Variants in VPS52 observed in about 807,000 individuals in gnomAD.
VPS52 encodes VPS52 subunit of GARP complex.
In VPS52, 56 loss-of-function variants were observed where a neutral mutation model predicts 98.7. The observed-to-expected ratio is 0.57, with a 90% CI of 0.46 to 0.71. VPS52 has a LOEUF of 0.71. Among genes scored for constraint, VPS52 ranks in the 30% least tolerant of loss-of-function variants. VPS52 has a pLI of 0.00. For missense variants in VPS52, 742 were observed against 925.9 expected (o/e 0.80, Z 2.58); for synonymous variants, 348 against 346.4 (o/e 1.00, Z -0.05).
At chr6:33,260,740 C>G (rs1763531059) in intron 17 of VPS52, among the ~76,000 whole-genome samples, 1 of 152,132 alleles carries the variant, frequency 6.6e-6, no homozygotes, top group South Asian at 2.1e-4. Flanking sequence ...TGACTCATGC[C>G]TATAATCCCA....
chr6:33,268,498 C>A lies in VPS52; in HGVS notation c.699+1G>T. ...CCAGGGTATCCATCCCTACTTCCCA[C>A]CTTGACCCGGAGCCGATCGAGCACG... On this transcript the variant is annotated splice_donor_variant, in intron 7 of 19. Coordinates refer to ENST00000445902, the MANE Select transcript of VPS52 (RefSeq NM_022553.6). LOFTEE classifies it high-confidence loss of function. This position sits in a 1 kb window ranked among gnomAD's most constrained non-coding sequence, Gnocchi z 4.0. The A allele has an allele frequency of 6.3e-7, 1 of 1,592,984 alleles. No individual in the cohort carries two copies. Among genetic ancestry groups the A allele is most frequent in the Non-Finnish European group, 8.6e-7 (1 of 1,167,832 alleles).
At chr6:33,258,548 G>A (rs919988032) in intron 17 of VPS52, among the ~76,000 whole-genome samples, 1 of 151,444 alleles carries the variant, frequency 6.6e-6, no homozygotes, top group African/African-American at 2.4e-5. Context: ...TGTAGATGAT[G>A]CAAAGAACTC....
At chr6:33,266,490 C>A in intron 12 of VPS52, 67 bp downstream of exon 12, 1 of 1,483,684 alleles carries the variant, frequency 6.7e-7, no homozygotes. Flanking sequence ...AGAGTCATGA[C>A]CCCACTATGC....
chr6:33,257,079 G>A (rs1296810621), intron 17 of VPS52, among the ~76,000 whole-genome samples: 1 of 152,030 alleles, frequency 6.6e-6, no homozygotes. Flanking sequence ...GCCCAGGCTG[G>A]AGTGCAGCAG....
In VPS52 at chr6:33,268,723, C is replaced by T; in HGVS notation, c.549-74G>A. 1 of 1,489,938 alleles carries T rather than the reference C, an allele frequency of 6.7e-7. No individual in the cohort carries two copies. The highest frequency in any genetic ancestry group is 8.9e-7 in the Non-Finnish European group (1 of 1,118,224). The allele number at this position is 1,489,938 out of a possible 1,614,324, so 92.3% of individuals were successfully genotyped here. A position where few individuals can be genotyped will look rare whatever the true frequency, so the allele number is the denominator to read the frequency against. On this transcript the variant is annotated intron_variant, in intron 6 of 19. Coordinates refer to ENST00000445902, the MANE Select transcript of VPS52 (RefSeq NM_022553.6). This position sits in a 1 kb window ranked among gnomAD's most constrained non-coding sequence, Gnocchi z 4.0. ...CCCTAAACCAGACCCAGACCACACTCCTTACCTCCAGCCCCTGTCATCTCT... is the reference window on the plus strand; with the variant it reads ...CCCTAAACCAGACCCAGACCACACTTCTTACCTCCAGCCCCTGTCATCTCT...
chr6:33,268,131 G>T lies in VPS52; in HGVS notation c.777C>A (p.Pro259=). Residue 259 remains proline, a synonymous_variant, in exon 8 of 20, where the codon CCC becomes CCA. Coordinates refer to ENST00000445902, the MANE Select transcript of VPS52 (RefSeq NM_022553.6). This position sits in a 1 kb window ranked among gnomAD's most constrained non-coding sequence, Gnocchi z 4.0. ...ACCTGTACTTCAGCAGGGCCGTCTGGGGGATCTGATAGTTGGTCATGGGTT... is the reference window on the plus strand; with the variant it reads ...ACCTGTACTTCAGCAGGGCCGTCTGTGGGATCTGATAGTTGGTCATGGGTT... The part of the protein sequence containing the change: ...FRKPMTNYQI[P]QTALLKYRFF... 1 of 1,613,052 alleles carries T rather than the reference G, an allele frequency of 6.2e-7. No homozygotes were observed. The highest frequency in any genetic ancestry group is 1.3e-5 in the African/African-American group (1 of 75,018).
chr6:33,264,816 T>C lies in VPS52; in HGVS notation c.1366A>G (p.Ile456Val), dbSNP rs781090501. ...CIHIVLRFRN[I>V]AAKRDVPALD... is the part of the protein sequence containing the mutation. ...GCAGGAACATCCCTCTTTGCTGCAA[T>C]GTTACGGAACCGGAGAACAATGTGG... Residue 456 changes from isoleucine to valine, a missense_variant, in exon 13 of 20, where the codon ATT (isoleucine) becomes GTT (valine). Ile to Val is a conservative substitution (Grantham distance 29). Around this residue, in one of 2 missense-constraint regions of VPS52, gnomAD observed 590 missense variants for 793.3 expected, o/e 0.74. Coordinates refer to ENST00000445902, the MANE Select transcript of VPS52 (RefSeq NM_022553.6). The C allele has an allele frequency of 3.7e-6, 6 of 1,612,996 alleles. No individual in the cohort carries two copies. Among genetic ancestry groups the C allele is most frequent in the Middle Eastern group, 3.3e-4 (2 of 6,084 alleles).
intron 12 of VPS52, among the ~76,000 whole-genome samples, chr6:33,265,649 G>A (rs1764218575): frequency 1.3e-5 from 2 of 152,126 alleles, no homozygotes; most frequent in South Asian, 4.1e-4. Context: ...TGGGATTGCA[G>A]GCATAAGCCA....
chr6:33,256,652 C>T (rs1032973607), intron 17 of VPS52, among the ~76,000 whole-genome samples: 4 of 151,404 alleles, frequency 2.6e-5, no homozygotes, highest in East Asian at 3.9e-4. Context: ...ACCAGCCTAG[C>T]CAACACGGTG....
chr6:33,270,257 T>G lies in VPS52; in HGVS notation c.117A>C (p.Pro39=), dbSNP rs1443899198. 12 of 1,613,374 alleles carry G rather than the reference T, an allele frequency of 7.4e-6. No individual in the cohort carries two copies. The highest frequency in any genetic ancestry group is 3.3e-5 in the Admixed American group (2 of 60,006). Residue 39 remains proline (P), a synonymous_variant, in exon 2 of 20, where the codon CCA becomes CCC. Coordinates refer to ENST00000445902, the MANE Select transcript of VPS52 (RefSeq NM_022553.6). ...PLAGGPGLQE[P]LQLGELDITS... ...TGATATCCAACTCCCCAAGTTGCAG[T>G]GGTTCCTGGAGCCCAGGACCACCCG...
chr6:33,264,500 G>A lies in VPS52; in HGVS notation c.1401-3C>T. 1 of 1,614,084 alleles carries A rather than the reference G, an allele frequency of 6.2e-7. No individual in the cohort carries two copies. Among genetic ancestry groups the A allele is most frequent in the Non-Finnish European group, 8.5e-7 (1 of 1,179,996 alleles). On this transcript the variant is annotated splice_polypyrimidine_tract_variant and splice_region_variant and intron_variant, in intron 13 of 19. Coordinates refer to ENST00000445902, the MANE Select transcript of VPS52 (RefSeq NM_022553.6). ...AGGCAAGCACCTGTTCCCAGTACCT[G>A]TGGGCTTAATCAGAATCAGAGGTCA... is the stretch of plus-strand genomic sequence containing the variant.
At chr6:33,257,645 C>T (rs548757130) in intron 17 of VPS52, among the ~76,000 whole-genome samples, 6 of 151,992 alleles carry the variant, frequency 3.9e-5, no homozygotes, top group Non-Finnish European at 7.4e-5. Flanking sequence ...GTAATCCACC[C>T]GCCTCAGCCT....
At position 33,264,408 on chromosome 6, in the gene VPS52, T is replaced by C; in HGVS notation, c.1490A>G (p.Gln497Arg). 2 of 1,614,156 alleles carry C rather than the reference T, an allele frequency of 1.2e-6. No homozygotes were observed. The highest frequency in any genetic ancestry group is 1.7e-5 in the Admixed American group (1 of 60,018). ...NVQSVRSTDP[Q>R]RLGGLDTRPH... ...CCGAGTATCCAACCCCCCTAGGCGC[T>C]GGGGGTCAGTGCTTCGGACGCTCTG... Residue 497 changes from glutamine (Q) to arginine (R), a missense_variant, in exon 14 of 20, where the codon CAG becomes CGG. By Grantham distance (43) the Gln-to-Arg change is conservative (BLOSUM62 1). This residue lies in a region of VPS52 where 590 missense variants were observed against 793.3 expected (regional missense o/e 0.74). Transcript: ENST00000445902.
chr6:33,271,285 C>A (rs930942278), intron 1 of VPS52: 2 of 622,806 alleles, frequency 3.2e-6, no homozygotes, highest in East Asian at 2.7e-5. Flanking sequence ...GTGTAAGTGG[C>A]AGAGATAGAA....
At chr6:33,262,508 C>T (rs1357195103) in intron 17 of VPS52, among the ~76,000 whole-genome samples, 2 of 152,194 alleles carry the variant, frequency 1.3e-5, no homozygotes, top group Non-Finnish European at 2.9e-5. Context: ...ATTCAGCAAT[C>T]CCACTGCTGG....
At chr6:33,251,751 C>T in intron 18 of VPS52, 109 bp downstream of exon 18, 2 of 1,427,226 alleles carry the variant, frequency 1.4e-6, no homozygotes, top group Non-Finnish European at 2.0e-6. Context: ...GGTATTCTCT[C>T]AATCCAGTCT....
chr6:33,264,223 A>C, intron 14 of VPS52, 120 bp from the exon 15 acceptor site: 1 of 1,529,264 alleles, frequency 6.5e-7, no homozygotes, highest in Non-Finnish European at 9.0e-7. Flanking sequence ...CCTCCTACCC[A>C]CAGTGCACCA....
intron 4 of VPS52, 39 bp downstream of exon 4, chr6:33,269,705 A>T: frequency 6.2e-7 from 1 of 1,602,806 alleles, no homozygotes; most frequent in South Asian, 1.1e-5. Flanking sequence ...CAAAATCCCC[A>T]TGTCAATAGC....
rs1764080365 is a variant in VPS52, at chr6:33,264,685, T to C, written c.1400+97A>G. The C allele has an allele frequency of 2.8e-6, 4 of 1,413,848 alleles. No homozygotes were observed. In the East Asian group the frequency reaches 6.9e-5, roughly 24 times the overall value. The allele number at this position is 1,413,848 out of a possible 1,614,324, so 87.6% of individuals were successfully genotyped here. ...GCAAATGAATGGGAATAAAGGTTGATGATACCAGGTCAGTAGGAGTCTAAG... is the reference window on the plus strand; with the variant it reads ...GCAAATGAATGGGAATAAAGGTTGACGATACCAGGTCAGTAGGAGTCTAAG... On this transcript the variant is annotated intron_variant, in intron 13 of 19. Coordinates refer to ENST00000445902, the MANE Select transcript of VPS52 (RefSeq NM_022553.6).
Sources: gnomAD v4.1 joint callset for allele counts (sites outside exome capture counted in the v4.1 genomes callset) on GRCh38, gnomAD v4.1.1 for gene constraint, gnomAD v4.1.1 regional missense constraint, Gnocchi (gnomAD v3.1) non-coding constraint, MANE v1.5 for transcripts, NCBI Gene and HGNC (gene_info 2026-07-23, HGNC 2026-07-21) for gene names.